The following ERBB4 variants were observed in gnomAD, a reference collection of about 807,000 sequenced individuals.
The protein encoded by ERBB4 is erb-b2 receptor tyrosine kinase 4, also known as receptor tyrosine-protein kinase erbB-4.
ERBB4 carries 42 observed loss-of-function variants against 158.0 expected under a neutral mutation model. The ratio of observed to expected loss-of-function variants is 0.27; its 90% CI spans 0.21 to 0.34. The LOEUF (loss-of-function observed/expected upper bound fraction) is 0.34, where lower values mean the gene tolerates loss of function less well. ERBB4 is among the 10% of genes least tolerant of loss of function. The pLI is 1.00. For missense variants in ERBB4, 1,333 were observed against 1,624.1 expected (o/e 0.82, Z 3.08); for synonymous variants, 583 against 558.7 (o/e 1.04, Z -0.61).
chr2:211,554,849 T>G (rs1203545578), intron 20 of ERBB4, among the ~76,000 whole-genome samples: 2 of 152,208 alleles, frequency 1.3e-5, no homozygotes, highest in African/African-American at 2.4e-5. Context: ...GTTAAGGATG[T>G]TTGCTTTGGG....
chr2:212,133,188 T>TTTCAA (rs2080159761), intron 1 of ERBB4, among the ~76,000 whole-genome samples: 1 of 152,044 alleles, frequency 6.6e-6, no homozygotes, highest in African/African-American at 2.4e-5. Flanking sequence ...TTCAAAAATG[T>TTTCAA]AAATTGTTCA....
intron 17 of ERBB4, among the ~76,000 whole-genome samples, chr2:211,630,126 T>C (rs1393492996): frequency 6.6e-6 from 1 of 152,128 alleles, no homozygotes; most frequent in Non-Finnish European, 1.5e-5. Context: ...CAGAATGAGA[T>C]ATTTTCAATG....
intron 20 of ERBB4, among the ~76,000 whole-genome samples, chr2:211,517,087 T>C (rs2125630175): frequency 6.6e-6 from 1 of 152,226 alleles, no homozygotes; most frequent in Admixed American, 6.5e-5. Context: ...ACTTGCCCCA[T>C]ATACACTTTT....
chr2:211,562,771 T>A (rs1052531300), intron 19 of ERBB4, among the ~76,000 whole-genome samples: 1 of 108,630 alleles, frequency 9.2e-6, no homozygotes, highest in Non-Finnish European at 2.1e-5. Context: ...TACTCCAACT[T>A]TTTTTTTTTT....
chr2:212,173,091 G>A (rs565159545), intron 1 of ERBB4, among the ~76,000 whole-genome samples: 1 of 151,828 alleles, frequency 6.6e-6, no homozygotes, highest in Non-Finnish European at 1.5e-5. Context: ...AAAAACAAAG[G>A]TCTTTATCTA....
At chr2:211,528,010 C>T (rs776589932) in intron 20 of ERBB4, among the ~76,000 whole-genome samples, 14 of 151,930 alleles carry the variant, frequency 9.2e-5, no homozygotes, top group Admixed American at 2.6e-4. Context: ...TAAGTCCTTA[C>T]GGACAATAAC....
At chr2:212,358,360 T>A (rs778802919) in intron 1 of ERBB4, among the ~76,000 whole-genome samples, 3 of 151,214 alleles carry the variant, frequency 2.0e-5, no homozygotes, top group African/African-American at 7.3e-5. Flanking sequence ...TTCTTAGCAC[T>A]TTTTTTAAAA....
At chr2:211,544,135 C>T (rs894772367) in intron 20 of ERBB4, among the ~76,000 whole-genome samples, 3 of 151,936 alleles carry the variant, frequency 2.0e-5, no homozygotes, top group Admixed American at 6.6e-5. Flanking sequence ...CCCACCTAGT[C>T]GTGTTTTAAT....
intron 7 of ERBB4, among the ~76,000 whole-genome samples, chr2:211,716,034 A>T (rs919941930): frequency 6.6e-6 from 1 of 152,188 alleles, no homozygotes; most frequent in African/African-American, 2.4e-5. Context: ...TAAATTTCAG[A>T]ATTCTGGATT....
intron 2 of ERBB4, among the ~76,000 whole-genome samples, chr2:211,961,215 AT>A (rs60700221): frequency 0.098 from 14,961 of 152,186 alleles, 1,793 homozygotes; most frequent in African/African-American, 0.29. Context: ...TTGTTCCTGC[AT>A]TGGTGTGTAC....
In ERBB4 at chr2:212,502,544, T is replaced by C. The variant is rs182947696; in HGVS notation, c.82+35905A>G. On this transcript the variant is annotated intron_variant, in intron 1 of 27. Coordinates refer to ENST00000342788, the MANE Select transcript of ERBB4 (RefSeq NM_005235.3). ...GGCTGACTGACCTCAAATCAAAATCTCTCTGATGCAACAGAACCTCCCCTT... is the reference window on the plus strand; with the variant it reads ...GGCTGACTGACCTCAAATCAAAATCCCTCTGATGCAACAGAACCTCCCCTT... Among the ~76,000 whole-genome samples the C allele has an allele frequency of 1.6e-3, 241 of 152,238 alleles. 1 individual carries two copies. Among genetic ancestry groups the C allele is most frequent in the Admixed American group, 3.3e-3 (50 of 15,280 alleles).
chr2:211,653,470 C>CG (rs1481132719), intron 16 of ERBB4, among the ~76,000 whole-genome samples: 10 of 128,324 alleles, frequency 7.8e-5, no homozygotes, highest in African/African-American at 3.0e-4. Flanking sequence ...CCCCGCCCCC[C>CG]GCACCCGCCC....
At chr2:211,696,950 G>A (rs13414346) in intron 12 of ERBB4, among the ~76,000 whole-genome samples, 4,412 of 152,254 alleles carry the variant, frequency 0.029, 197 homozygotes, top group African/African-American at 0.098. Flanking sequence ...GATTACAGGC[G>A]TGAGCCACCA....
intron 1 of ERBB4, among the ~76,000 whole-genome samples, chr2:212,234,878 T>C (rs2083803260): frequency 6.6e-6 from 1 of 152,212 alleles, no homozygotes; most frequent in East Asian, 1.9e-4. Context: ...ATATTAGCCC[T>C]TTGTCAGATG....
chr2:211,830,016 C>T (rs565991657), intron 3 of ERBB4, among the ~76,000 whole-genome samples: 1 of 152,272 alleles, frequency 6.6e-6, no homozygotes, highest in South Asian at 2.1e-4. Flanking sequence ...CATCAAGGCT[C>T]AGCAAAAGTT....
intron 4 of ERBB4, among the ~76,000 whole-genome samples, chr2:211,757,166 T>C (rs2075304412): frequency 6.6e-6 from 1 of 152,206 alleles, no homozygotes; most frequent in African/African-American, 2.4e-5. Flanking sequence ...TCTGTTTATT[T>C]GTATTCACTC....
intron 19 of ERBB4, among the ~76,000 whole-genome samples, chr2:211,565,213 C>A (rs536853556): frequency 9.9e-5 from 15 of 152,160 alleles, no homozygotes; most frequent in African/African-American, 2.7e-4. Flanking sequence ...TACGATACAG[C>A]ACAACTGGGA....
At chr2:211,925,142 C>T (rs1259282775) in intron 3 of ERBB4, among the ~76,000 whole-genome samples, 1 of 152,094 alleles carries the variant, frequency 6.6e-6, no homozygotes, top group East Asian at 1.9e-4. Flanking sequence ...GTTCTAGACA[C>T]AGGAAGAAAA....
intron 12 of ERBB4, among the ~76,000 whole-genome samples, chr2:211,695,573 A>G (rs1402965165): frequency 6.6e-6 from 1 of 152,154 alleles, no homozygotes; most frequent in Non-Finnish European, 1.5e-5. Flanking sequence ...ATTCTCAAAC[A>G]TATACTTTTT....
Sources: allele counts gnomAD v4.1 joint callset (sites outside exome capture counted in the v4.1 genomes callset), GRCh38; gene constraint gnomAD v4.1.1; transcripts MANE v1.5; gene names NCBI Gene and HGNC (gene_info 2026-07-23, HGNC 2026-07-21).